The following C10orf67 variants were observed in gnomAD, a reference collection of about 807,000 sequenced individuals.
C10orf67 encodes the protein chromosome 10 open reading frame 67.
A neutral mutation model predicts 35.6 loss-of-function variants in C10orf67; 60 were observed. The observed-to-expected ratio is 1.68, with a 90% CI of 1.37 to 2.09. C10orf67 has a LOEUF of 2.09. Ranked by LOEUF, C10orf67 falls within the 30% of genes most tolerant of loss-of-function variation. C10orf67 has a pLI of 0.00. For synonymous variants in C10orf67, 167 were observed against 115.8 expected (o/e 1.44, Z -2.84); for missense variants, 474 against 330.2 (o/e 1.44, Z -3.38).
intron 1 of C10orf67, 143 bp downstream of exon 1, chr10:23,344,407 GTCCCGCCTGCCTCAAGGCT>G (rs1846055321): frequency 1.4e-6 from 1 of 721,112 alleles, no homozygotes; most frequent in African/African-American, 1.8e-5. Context: ...CGCTTTCACT[GTCCCGCCTGCCTCAAGGCT>G]TCCCCACAAG....
At chr10:23,205,522 T>G (rs993959821) in intron 15 of C10orf67, among the ~76,000 whole-genome samples, 1 of 152,226 alleles carries the variant, frequency 6.6e-6, no homozygotes, top group Non-Finnish European at 1.5e-5. Context: ...TTTAGAAAAG[T>G]ACTCATCTTA....
At chr10:23,274,693 T>C (rs191487968) in intron 8 of C10orf67, among the ~76,000 whole-genome samples, 34 of 152,214 alleles carry the variant, frequency 2.2e-4, no homozygotes, top group African/African-American at 7.9e-4. Flanking sequence ...GTTTTACAAT[T>C]TGTACAGTTA....
chr10:23,323,336 A>C (rs1390987393), intron 2 of C10orf67, among the ~76,000 whole-genome samples: 3 of 152,160 alleles, frequency 2.0e-5, no homozygotes, highest in Non-Finnish European at 2.9e-5. Context: ...TCTATTTAAA[A>C]TGTATTCACT....
intron 13 of C10orf67, among the ~76,000 whole-genome samples, chr10:23,238,474 G>A (rs1029667115): frequency 6.6e-6 from 1 of 152,198 alleles, no homozygotes; most frequent in Non-Finnish European, 1.5e-5. Context: ...CCATGGGAAG[G>A]TGAATTGCAT....
At chr10:23,216,549 C>T (rs1841436233) in intron 15 of C10orf67, among the ~76,000 whole-genome samples, 1 of 152,120 alleles carries the variant, frequency 6.6e-6, no homozygotes, top group East Asian at 1.9e-4. Flanking sequence ...ATTTATGAAT[C>T]TAACAAATTG....
rs984948594 is a variant in C10orf67 at position 23,215,495 on chromosome 10, T to C, written c.1570+8103A>G. On this transcript the variant is annotated intron_variant, in intron 15 of 15. Coordinates refer to ENST00000636213, the MANE Select transcript of C10orf67 (RefSeq NM_001371909.1). ...TTTTAGTAGAGATAGGGTTTCACCA[T>C]GTTGGTCAGGCTGGTCTCAAACTCC... Among the ~76,000 whole-genome samples the C allele has an allele frequency of 3.9e-5, 6 of 152,100 alleles. No individual in the cohort carries two copies. In the East Asian group the frequency reaches 5.8e-4, roughly 15 times the overall value.
At chr10:23,275,171 G>C (rs1285069070) in intron 8 of C10orf67, among the ~76,000 whole-genome samples, 2 of 152,122 alleles carry the variant, frequency 1.3e-5, no homozygotes, top group East Asian at 3.9e-4. Context: ...TTCTTTCAGG[G>C]GTACTTCCTA....
chr10:23,328,252 C>A (rs190122619), intron 2 of C10orf67, among the ~76,000 whole-genome samples: 2 of 152,242 alleles, frequency 1.3e-5, no homozygotes, highest in East Asian at 1.9e-4. Context: ...ACTGATGGAA[C>A]CATGACATTG....
At chr10:23,279,470 G>A (rs1646657875) in intron 8 of C10orf67, among the ~76,000 whole-genome samples, 1 of 152,240 alleles carries the variant, frequency 6.6e-6, no homozygotes, top group Non-Finnish European at 1.5e-5. Context: ...ACCTAGTTGT[G>A]GGAGCGAGGG....
chr10:23,298,535 CTTAA>C (rs1308673598), intron 5 of C10orf67, among the ~76,000 whole-genome samples: 1 of 152,154 alleles, frequency 6.6e-6, no homozygotes, highest in Non-Finnish European at 1.5e-5. Flanking sequence ...TCTGAGTTTC[CTTAA>C]TTAGTGTATA....
At chr10:23,204,480 G>A (rs1009919261) in intron 15 of C10orf67, among the ~76,000 whole-genome samples, 3 of 152,264 alleles carry the variant, frequency 2.0e-5, no homozygotes, top group South Asian at 4.1e-4. Context: ...TGCCAGCCAA[G>A]CTTTGCTCTG....
At chr10:23,281,501 A>G (rs4747455) in intron 8 of C10orf67, among the ~76,000 whole-genome samples, 21,125 of 149,652 alleles carry the variant, frequency 0.14, 2,888 homozygotes, top group East Asian at 0.71. Context: ...TAAGCTGGGC[A>G]GGGGGCTGCT....
At chr10:23,245,999 G>T (rs779635612) in intron 12 of C10orf67, among the ~76,000 whole-genome samples, 3 of 152,188 alleles carry the variant, frequency 2.0e-5, no homozygotes, top group African/African-American at 7.2e-5. Flanking sequence ...GTACACATAT[G>T]CGATGGAATA....
chr10:23,218,083 T>C (rs1841478053), intron 15 of C10orf67, among the ~76,000 whole-genome samples: 1 of 152,186 alleles, frequency 6.6e-6, no homozygotes, highest in Non-Finnish European at 1.5e-5. Flanking sequence ...CCAATTTCTA[T>C]ACCATTCGGA....
At chr10:23,240,357 T>C (rs955089678) in intron 12 of C10orf67, among the ~76,000 whole-genome samples, 5 of 152,224 alleles carry the variant, frequency 3.3e-5, no homozygotes, top group Non-Finnish European at 1.5e-5. Flanking sequence ...CAGAAATGAC[T>C]GTTTCTAGAT....
In C10orf67 at chr10:23,303,302, ACC is replaced by A; in HGVS notation, c.702_702+1del. 1.8e-6 allele frequency: 1 copy of A among 545,542 alleles called. No homozygotes were observed. Among genetic ancestry groups the A allele is most frequent in the Non-Finnish European group, 3.3e-6 (1 of 302,896 alleles). 33.8% of individuals were successfully genotyped at this position (545,542 alleles called of 1,614,324 possible). A position where few individuals can be genotyped will look rare whatever the true frequency, so the allele number is the denominator to read the frequency against. Reference sequence around the variant, plus strand: ...TTAATTATTCCTTGCCTTGAAACTTACCATTTTGTGAAATCCAAAATCTTTAT... The same window carrying A: ...TTAATTATTCCTTGCCTTGAAACTTAATTTTGTGAAATCCAAAATCTTTAT... On this transcript the variant is annotated splice_donor_variant and coding_sequence_variant, in exon 5 of 16. Transcript: ENST00000636213. LOFTEE classifies it high-confidence loss of function.
At chr10:23,284,131 G>A (rs1203186164) in intron 7 of C10orf67, among the ~76,000 whole-genome samples, 2 of 116,030 alleles carry the variant, frequency 1.7e-5, no homozygotes, top group African/African-American at 6.1e-5. Context: ...AAAAAAAAAA[G>A]GGTGGGGGGA....
intron 8 of C10orf67, among the ~76,000 whole-genome samples, chr10:23,276,859 T>A (rs952327933): frequency 3.3e-5 from 5 of 152,144 alleles, no homozygotes; most frequent in African/African-American, 1.2e-4. Flanking sequence ...TATTAGTAAA[T>A]GTATTAGAAA....
chr10:23,242,160 T>C (rs1190451168), intron 12 of C10orf67, among the ~76,000 whole-genome samples: 3 of 151,930 alleles, frequency 2.0e-5, no homozygotes, highest in Non-Finnish European at 4.4e-5. Flanking sequence ...TTAGTAGAGA[T>C]GGGGTTTCAC....
Sources: gnomAD v4.1 joint callset for allele counts (sites outside exome capture counted in the v4.1 genomes callset) on GRCh38, gnomAD v4.1.1 for gene constraint, MANE v1.5 for transcripts, NCBI Gene and HGNC (gene_info 2026-07-23, HGNC 2026-07-21) for gene names.